Variants in ZNF208 observed in about 807,000 individuals in gnomAD.
The protein encoded by ZNF208 is zinc finger protein 208.
ZNF208 carries 10 observed loss-of-function variants against 12.1 expected under a neutral mutation model. The ratio of observed to expected loss-of-function variants is 0.83; its 90% CI spans 0.51 to 1.40. The LOEUF is 1.40. ZNF208 is among the 40% of genes most tolerant of loss of function. The pLI, the probability that ZNF208 is intolerant of heterozygous loss-of-function variation, is 0.00. For missense variants in ZNF208, 1,652 were observed against 1,485.0 expected (o/e 1.11, Z -1.85); for synonymous variants, 497 against 488.4 (o/e 1.02, Z -0.23).
At position 21,973,368 on chromosome 19, in the gene ZNF208, C is replaced by T. The variant is rs1208128491; in HGVS notation, c.1666G>A (p.Glu556Lys). 6.2e-7 allele frequency: 1 copy of T among 1,610,998 alleles called. No individual in the cohort carries two copies. The highest frequency in any genetic ancestry group is 2.2e-5 in the East Asian group (1 of 44,738). Residue 556 changes from glutamate to lysine, a missense_variant, in exon 4 of 4, where the codon GAA (glutamate) becomes AAA (lysine). Coordinates refer to ENST00000397126, the MANE Select transcript of ZNF208 (RefSeq NM_007153.3). ...IHTGEKPYKCEECGKAYKWSS... is the reference protein window; with the variant it reads ...IHTGEKPYKCKECGKAYKWSS... ...CACTTATAGGCTTTGCCACATTCTT[C>T]ACATTTGTAGGGTTTCTCTCCAGTA...
chr19:21,965,837 A>G (rs1970154702), downstream of ZNF208: 1 of 152,006 alleles, frequency 6.6e-6, no homozygotes, highest in Non-Finnish European at 1.5e-5. Context: ...ATTTTCCCCC[A>G]AAAGAGTACA....
intron 3 of ZNF208, among the ~76,000 whole-genome samples, chr19:21,984,320 C>A (rs1477583381): frequency 6.6e-6 from 1 of 152,078 alleles, no homozygotes; most frequent in Non-Finnish European, 1.5e-5. Flanking sequence ...CTTGGAAGGC[C>A]AAGGCTGGTG....
chr19:21,980,124 AG>A (rs1432178934), intron 3 of ZNF208, among the ~76,000 whole-genome samples: 1 of 152,148 alleles, frequency 6.6e-6, no homozygotes, highest in Non-Finnish European at 1.5e-5. Context: ...ATACTATAGT[AG>A]TGGGAGACTT....
At position 21,973,737 on chromosome 19, in the gene ZNF208, C is replaced by G. The variant is rs1253369197; in HGVS notation, c.1297G>C (p.Ala433Pro). 2 of 1,613,432 alleles carry G rather than the reference C, an allele frequency of 1.2e-6. No individual in the cohort carries two copies. Among genetic ancestry groups the G allele is most frequent in the Admixed American group, 1.7e-5 (1 of 59,946 alleles). Residue 433 changes from alanine (A) to proline (P), a missense_variant, in exon 4 of 4, where the codon GCT (alanine) becomes CCT (proline). Ala to Pro is a conservative substitution (Grantham distance 27). Coordinates refer to ENST00000397126, the MANE Select transcript of ZNF208 (RefSeq NM_007153.3). The stretch of plus-strand genomic sequence containing the variant: ...ATAAGGTTTGAGGACCAGTTGAAAG[C>G]TTTGCCACATTCTTCACATTTGTAG... ...KPYKCEECGK[A>P]FNWSSNLMEH...
At chr19:21,953,501 A>C (rs1969925440) in intron 4 of ZNF208, among the ~76,000 whole-genome samples, 1 of 152,234 alleles carries the variant, frequency 6.6e-6, no homozygotes, top group African/African-American at 2.4e-5. Context: ...AGTGGGGGCC[A>C]ATATTCAACA....
chr19:21,957,818 T>C (rs962410122), intron 4 of ZNF208, among the ~76,000 whole-genome samples: 7 of 151,996 alleles, frequency 4.6e-5, no homozygotes, highest in African/African-American at 1.7e-4. Flanking sequence ...TAGCTTTTTT[T>C]TAAATTTTAT....
chr19:21,953,762 T>C (rs1183110384), intron 4 of ZNF208, among the ~76,000 whole-genome samples: 1 of 152,120 alleles, frequency 6.6e-6, no homozygotes, highest in African/African-American at 2.4e-5. Context: ...TCAGGCAATT[T>C]TGTTGATCTT....
At chr19:21,994,136 GGAAA>G (rs1284444712) in intron 1 of ZNF208, among the ~76,000 whole-genome samples, 2 of 152,084 alleles carry the variant, frequency 1.3e-5, no homozygotes, top group African/African-American at 2.4e-5. Context: ...GGATACAGAT[GGAAA>G]GAGTTTAATG....
At chr19:21,975,956 A>G (rs905984183) in intron 3 of ZNF208, among the ~76,000 whole-genome samples, 1 of 151,664 alleles carries the variant, frequency 6.6e-6, no homozygotes, top group African/African-American at 2.4e-5. Context: ...TTAGCACTGC[A>G]TATGTCTTCC....
At position 21,973,883 on chromosome 19, in the gene ZNF208, A is replaced by G; in HGVS notation, c.1151T>C (p.Leu384Pro). The G allele has an allele frequency of 6.2e-7, 1 of 1,613,302 alleles. No homozygotes were observed. Among genetic ancestry groups the G allele is most frequent in the Non-Finnish European group, 8.5e-7 (1 of 1,179,818 alleles). ...CGKAYKWPST[L>P]SYHKKIHTGE... ...AGTATGAATTTTCTTATGATAACTA[A>G]GGGTTGAGGGCCACTTATAGGCTTT... is the stretch of plus-strand genomic sequence containing the variant. Residue 384 changes from leucine (L) to proline (P), a missense_variant, in exon 4 of 4, where the codon CTT becomes CCT. Leu to Pro is a moderately conservative substitution (Grantham distance 98). Transcript: ENST00000397126.
chr19:22,009,858 T>C (rs754754209), intron 1 of ZNF208, among the ~76,000 whole-genome samples: 12 of 152,114 alleles, frequency 7.9e-5, no homozygotes, highest in Admixed American at 2.0e-4. Flanking sequence ...TCTGATTACA[T>C]AACCAAGAAA....
chr19:21,975,082 C>G (rs530300819), intron 3 of ZNF208, among the ~76,000 whole-genome samples: 2 of 152,246 alleles, frequency 1.3e-5, no homozygotes, highest in African/African-American at 4.8e-5. Context: ...TTAAATTTAC[C>G]CAGTACGACT....
rs1187758346 is a variant in ZNF208 at position 21,977,604 on chromosome 19, T to C, written c.227-2797A>G. 7.9e-5 allele frequency among the ~76,000 whole-genome samples: 12 copies of C among 152,232 alleles called. No individual in the cohort carries two copies. The South Asian group carries it at 2.5e-3, about 32-fold the overall frequency. ...CTGCAGACCAGGAGATTCCCTCTGG[T>C]GCCTATGACACCAGGGCCCTGGGTT... On this transcript the variant is annotated intron_variant, in intron 3 of 3. Transcript: ENST00000397126.
intron 2 of ZNF208, 90 bp downstream of exon 2, chr19:21,988,693 A>T: frequency 6.2e-7 from 1 of 1,604,068 alleles, no homozygotes; most frequent in Non-Finnish European, 8.5e-7. Context: ...TTATTCTCAC[A>T]TTCATCCTCC....
rs1970234013 is a variant in ZNF208, at chr19:21,969,303, G to A, written c.*1888C>T. ...AAAAAAAAAAAATCTGTGTTTTGAAGAAAAAAGTATACTTTAAATTTAATT... is the reference window on the plus strand; with the variant it reads ...AAAAAAAAAAAATCTGTGTTTTGAAAAAAAAAGTATACTTTAAATTTAATT... On this transcript the variant is annotated 3_prime_UTR_variant, in exon 4 of 4. Transcript: ENST00000397126. Among the ~76,000 whole-genome samples, 1 of 151,546 alleles carries A rather than the reference G, an allele frequency of 6.6e-6. No individual in the cohort carries two copies. Among genetic ancestry groups the A allele is most frequent in the South Asian group, 2.1e-4 (1 of 4,816 alleles).
In ZNF208 at chr19:21,966,230, A is replaced by C. The variant is rs915037533; in HGVS notation, c.*4961T>G. The C allele has an allele frequency of 6.6e-6, 1 of 152,078 alleles. No homozygotes were observed. The highest frequency in any genetic ancestry group is 1.5e-5 in the Non-Finnish European group (1 of 67,992). 9.4% of individuals were successfully genotyped at this position (152,078 alleles called of 1,614,324 possible). A position where few individuals can be genotyped will look rare whatever the true frequency, so the allele number is the denominator to read the frequency against. On this transcript the variant is annotated 3_prime_UTR_variant, in exon 4 of 4. Coordinates refer to ENST00000397126, the MANE Select transcript of ZNF208 (RefSeq NM_007153.3). ...TGCCCAAGTAGTGTACATCATACCT[A>C]AGCAGATTTTCTATGCTTGTCTCCC...
intron 3 of ZNF208, among the ~76,000 whole-genome samples, chr19:21,982,484 C>T (rs1192303968): frequency 6.6e-6 from 1 of 151,840 alleles, no homozygotes; most frequent in African/African-American, 2.4e-5. Flanking sequence ...CTACCATTGA[C>T]TTTCTTCACA....
intron 1 of ZNF208, chr19:21,998,962 T>C (rs756891298): frequency 6.6e-6 from 1 of 151,344 alleles, no homozygotes; most frequent in Non-Finnish European, 1.5e-5. Context: ...CTTTGTCCTG[T>C]AATAGTAGCA....
At chr19:21,981,203 A>C (rs1014595570) in intron 3 of ZNF208, among the ~76,000 whole-genome samples, 1 of 152,182 alleles carries the variant, frequency 6.6e-6, no homozygotes, top group Admixed American at 6.5e-5. Context: ...TGTCTAACTC[A>C]TTTTATGAGG....
Sources: allele counts gnomAD v4.1 joint callset (sites outside exome capture counted in the v4.1 genomes callset), GRCh38; gene constraint gnomAD v4.1.1; transcripts MANE v1.5; gene names NCBI Gene and HGNC (gene_info 2026-07-23, HGNC 2026-07-21).